The following POU6F2 variants were observed in gnomAD, a reference collection of about 807,000 sequenced individuals.
The protein encoded by POU6F2 is POU class 6 homeobox 2.
In POU6F2, 31 loss-of-function variants were observed where a neutral mutation model predicts 71.3. The observed-to-expected ratio is 0.43, with a 90% CI of 0.33 to 0.59. The LOEUF (loss-of-function observed/expected upper bound fraction) is 0.59, where lower values mean the gene tolerates loss of function less well. Ranked by LOEUF, POU6F2 falls within the 20% of genes least tolerant of loss-of-function variation. The pLI, the probability that POU6F2 is intolerant of heterozygous loss-of-function variation, is 0.04. For missense variants in POU6F2, 783 were observed against 856.8 expected (o/e 0.91, Z 1.07); for synonymous variants, 347 against 355.7 (o/e 0.98, Z 0.27).
chr7:39,014,895 C>T (rs1186257241), intron 1 of POU6F2, among the ~76,000 whole-genome samples: 1 of 151,974 alleles, frequency 6.6e-6, no homozygotes, highest in Non-Finnish European at 1.5e-5. Context: ...AAAGTGGAAC[C>T]GTTTCCATGA....
intron 1 of POU6F2, among the ~76,000 whole-genome samples, chr7:39,027,722 C>G (rs547080302): frequency 2.0e-4 from 31 of 152,314 alleles, no homozygotes; most frequent in Non-Finnish European, 4.0e-4. Context: ...AAATCTCCTT[C>G]TCTTCCCCCA....
At chr7:39,352,775 G>A (rs921490218) in intron 5 of POU6F2, among the ~76,000 whole-genome samples, 3 of 151,808 alleles carry the variant, frequency 2.0e-5, no homozygotes, top group African/African-American at 7.3e-5. Flanking sequence ...ATATTTGGGG[G>A]TACATGTGCA....
intron 1 of POU6F2, among the ~76,000 whole-genome samples, chr7:39,017,196 G>A (rs1789576147): frequency 6.6e-6 from 1 of 152,010 alleles, no homozygotes; most frequent in Non-Finnish European, 1.5e-5. Context: ...TACATATTAT[G>A]TCAATGATTT....
rs1336561834 is a variant in POU6F2, at chr7:39,467,171, A to AT, written c.*2492dup. 1 of 152,240 alleles carries AT rather than the reference A, an allele frequency of 6.6e-6. No individual in the cohort carries two copies. The highest frequency in any genetic ancestry group is 2.1e-4 in the South Asian group (1 of 4,826). The allele number at this position is 152,240 out of a possible 1,614,324, so 9.4% of individuals were successfully genotyped here. A position where few individuals can be genotyped will look rare whatever the true frequency, so the allele number is the denominator to read the frequency against. On this transcript the variant is annotated 3_prime_UTR_variant, in exon 10 of 10. Coordinates refer to ENST00000518318, the MANE Select transcript of POU6F2 (RefSeq NM_001370959.1). ...GTCGTAACACCATTCATGTGCAGTGATTTTTTTATAGTTTTATAATTTTGT... is the reference window on the plus strand; with the variant it reads ...GTCGTAACACCATTCATGTGCAGTGATTTTTTTTATAGTTTTATAATTTTGT...
rs767424712 is a variant in POU6F2 at position 38,983,805 on chromosome 7, C to T, written c.105+5747C>T. On this transcript the variant is annotated intron_variant, in intron 1 of 9. Transcript: ENST00000518318. The stretch of plus-strand genomic sequence containing the variant: ...TTTCAGGGATAGCACTTCTCATAAA[C>T]GTAAAACCATTGTATGTAAGTAATA... Among the ~76,000 whole-genome samples, 11 of 152,126 alleles carry T rather than the reference C, an allele frequency of 7.2e-5. No individual in the cohort carries two copies. The East Asian group carries it at 9.7e-4, about 13-fold the overall frequency.
intron 4 of POU6F2, among the ~76,000 whole-genome samples, chr7:39,311,112 C>T (rs908253499): frequency 5.3e-5 from 8 of 151,934 alleles, no homozygotes; most frequent in Non-Finnish European, 1.0e-4. Context: ...TGGCTGTCTC[C>T]TCCTCCTCAC....
chr7:39,342,790 G>A (rs3800854), intron 5 of POU6F2, among the ~76,000 whole-genome samples: 41 of 152,096 alleles, frequency 2.7e-4, no homozygotes, highest in African/African-American at 9.2e-4. Context: ...CAAATACCTC[G>A]TATCAGGCTT....
At chr7:39,112,351 T>C (rs926213216) in intron 2 of POU6F2, among the ~76,000 whole-genome samples, 6 of 152,200 alleles carry the variant, frequency 3.9e-5, no homozygotes, top group Non-Finnish European at 8.8e-5. Flanking sequence ...TATAACAAAA[T>C]GTTTCTGTAT....
Position 39,196,909 on chromosome 7 carries a change from G to A in POU6F2, c.278-7326G>A, listed in dbSNP as rs531889365. On this transcript the variant is annotated intron_variant, in intron 2 of 9. Coordinates refer to ENST00000518318, the MANE Select transcript of POU6F2 (RefSeq NM_001370959.1). The stretch of plus-strand genomic sequence containing the variant: ...AGTAACCCAAAATTGTATGGAAACC[G>A]AGTCAGTGGAATCGGCAGCGAGCTA... Among the ~76,000 whole-genome samples, 6 of 152,338 alleles carry A rather than the reference G, an allele frequency of 3.9e-5. No homozygotes were observed. In the South Asian group the frequency reaches 6.2e-4, roughly 16 times the overall value.
At chr7:39,214,928 A>G (rs979421194) in intron 4 of POU6F2, among the ~76,000 whole-genome samples, 1 of 152,214 alleles carries the variant, frequency 6.6e-6, no homozygotes, top group Non-Finnish European at 1.5e-5. Context: ...AGAGCCTGAA[A>G]TGTTAGAGAT....
chr7:38,994,315 G>T (rs1416785739), intron 1 of POU6F2, among the ~76,000 whole-genome samples: 1 of 152,090 alleles, frequency 6.6e-6, no homozygotes, highest in East Asian at 1.9e-4. Context: ...CTGGTACTCG[G>T]TGGGTTTCAG....
chr7:39,148,422 A>G (rs1160070942), intron 2 of POU6F2, among the ~76,000 whole-genome samples: 2 of 152,186 alleles, frequency 1.3e-5, no homozygotes, highest in Non-Finnish European at 2.9e-5. Flanking sequence ...TATCTCTGGC[A>G]TAACCATGTG....
Position 39,305,676 on chromosome 7 carries a change from C to T in POU6F2, c.599-33966C>T, listed in dbSNP as rs193189491. Among the ~76,000 whole-genome samples, 4 of 152,290 alleles carry T rather than the reference C, an allele frequency of 2.6e-5. No individual in the cohort carries two copies. The East Asian group carries it at 7.7e-4, about 29-fold the overall frequency. The stretch of plus-strand genomic sequence containing the variant: ...CTGTAGAGGCTTTTCCCCTGCTGTG[C>T]AATTCCAATGAGAACATACAGTACG... On this transcript the variant is annotated intron_variant, in intron 4 of 9. Coordinates refer to ENST00000518318, the MANE Select transcript of POU6F2 (RefSeq NM_001370959.1).
intron 8 of POU6F2, 56 bp downstream of exon 8, chr7:39,451,757 G>C: frequency 6.7e-7 from 1 of 1,483,942 alleles, no homozygotes; most frequent in Non-Finnish European, 9.2e-7. Context: ...TTGCCTATTT[G>C]CAATGTCTTC....
chr7:39,127,571 T>C (rs2128728778), intron 2 of POU6F2, among the ~76,000 whole-genome samples: 1 of 152,114 alleles, frequency 6.6e-6, no homozygotes, highest in South Asian at 2.1e-4. Flanking sequence ...AGACAAGGGC[T>C]ATGAAGAAAA....
chr7:39,188,525 C>A (rs1793592646), intron 2 of POU6F2, among the ~76,000 whole-genome samples: 1 of 152,146 alleles, frequency 6.6e-6, no homozygotes, highest in Non-Finnish European at 1.5e-5. Flanking sequence ...GTTGCCCAAG[C>A]TGGTCACAAA....
At chr7:39,340,679 A>G (rs573715732) in intron 5 of POU6F2, among the ~76,000 whole-genome samples, 16 of 152,222 alleles carry the variant, frequency 1.1e-4, no homozygotes, top group Non-Finnish European at 2.1e-4. Flanking sequence ...AGAGCTTCAT[A>G]AATAGATATT....
intron 2 of POU6F2, among the ~76,000 whole-genome samples, chr7:39,179,771 T>A (rs1218852873): frequency 6.6e-6 from 1 of 152,212 alleles, no homozygotes; most frequent in African/African-American, 2.4e-5. Flanking sequence ...TCACTCCTTG[T>A]CTACTGGAAA....
intron 5 of POU6F2, among the ~76,000 whole-genome samples, chr7:39,357,965 A>G (rs141005222): frequency 2.0e-5 from 3 of 152,292 alleles, no homozygotes; most frequent in African/African-American, 7.2e-5. Flanking sequence ...TCTCAGATGA[A>G]TTTTGAGAGA....
Sources: allele counts gnomAD v4.1 joint callset (sites outside exome capture counted in the v4.1 genomes callset), GRCh38; gene constraint gnomAD v4.1.1; transcripts MANE v1.5; gene names NCBI Gene and HGNC (gene_info 2026-07-23, HGNC 2026-07-21).